Variants in BIRC6 observed in about 807,000 individuals in gnomAD.
BIRC6 encodes the protein dual E2 ubiquitin-conjugating enzyme/E3 ubiquitin-protein ligase BIRC6.
In BIRC6, 98 loss-of-function variants were observed where a neutral mutation model predicts 503.3. That is an observed-to-expected ratio of 0.19 (90% CI 0.17 to 0.23). The LOEUF is 0.23. Among genes scored for constraint, BIRC6 ranks in the 10% least tolerant of loss-of-function variants. BIRC6 has a pLI of 1.00. For missense variants in BIRC6, 5,360 were observed against 5,806.0 expected (o/e 0.92, Z 2.50); for synonymous variants, 2,240 against 2,078.7 (o/e 1.08, Z -2.11).
chr2:32,500,154 A>C lies in BIRC6; in HGVS notation c.9031+45A>C. The C allele has an allele frequency of 2.0e-6, 3 of 1,489,814 alleles. No individual in the cohort carries two copies. In the South Asian group the frequency reaches 3.9e-5, roughly 20 times the overall value. 92.3% of individuals were successfully genotyped at this position (1,489,814 alleles called of 1,614,324 possible). On this transcript the variant is annotated intron_variant, in intron 46 of 73. Coordinates refer to ENST00000421745, the MANE Select transcript of BIRC6 (RefSeq NM_016252.4). ...ATCTTACCATTGTCTCTGATACTAT[A>C]ACTGGTTTTTTTTTAAGCAATATAT...
chr2:32,457,938 T>C (rs2047424617), intron 23 of BIRC6, among the ~76,000 whole-genome samples: 1 of 152,150 alleles, frequency 6.6e-6, no homozygotes, highest in Non-Finnish European at 1.5e-5. Flanking sequence ...ATCTAATATC[T>C]GATAATTACC....
intron 10 of BIRC6, among the ~76,000 whole-genome samples, chr2:32,421,216 C>A (rs138685173): frequency 0.018 from 2,719 of 151,316 alleles, 89 homozygotes; most frequent in African/African-American, 0.063. Flanking sequence ...AAGTGATTCT[C>A]CTGCCTCAGC....
chr2:32,484,371 G>T (rs2050753011), intron 39 of BIRC6, among the ~76,000 whole-genome samples: 1 of 151,968 alleles, frequency 6.6e-6, no homozygotes, highest in Non-Finnish European at 1.5e-5. Flanking sequence ...GGCCAACATG[G>T]TGAAACCCCA....
At chr2:32,501,968 A>C (rs1343411188) in intron 47 of BIRC6, 80 bp downstream of exon 47, 8 of 1,302,052 alleles carry the variant, frequency 6.1e-6, no homozygotes, top group Non-Finnish European at 8.5e-6. Context: ...GACAAAGATA[A>C]ATAAGTATAT....
At chr2:32,424,848 C>T (rs1051601549) in intron 10 of BIRC6, among the ~76,000 whole-genome samples, 5 of 152,044 alleles carry the variant, frequency 3.3e-5, no homozygotes, top group Non-Finnish European at 5.9e-5. Context: ...AAGTTATTTT[C>T]CACAGAGTCT....
chr2:32,577,579 T>TTA (rs3835883), intron 66 of BIRC6, among the ~76,000 whole-genome samples: 65,866 of 151,812 alleles, frequency 0.43, 15,247 homozygotes, highest in Non-Finnish European at 0.51. Context: ...AAAAATGGAG[T>TTA]TATAGAGTAT....
At chr2:32,466,659 T>A (rs2048570845) in intron 26 of BIRC6, among the ~76,000 whole-genome samples, 1 of 152,206 alleles carries the variant, frequency 6.6e-6, no homozygotes, top group African/African-American at 2.4e-5. Flanking sequence ...GAAGAGCAGA[T>A]TGATCCTTTA....
chr2:32,447,580 A>C (rs2046183679), intron 21 of BIRC6, among the ~76,000 whole-genome samples: 1 of 106,970 alleles, frequency 9.3e-6, no homozygotes, highest in African/African-American at 4.0e-5. Context: ...CACCTCCCGG[A>C]CGGGGCGGCT....
intron 55 of BIRC6, among the ~76,000 whole-genome samples, chr2:32,516,102 T>A (rs535372396): frequency 6.6e-6 from 1 of 152,362 alleles, no homozygotes; most frequent in Admixed American, 6.5e-5. Flanking sequence ...GAGTACTGTA[T>A]GTGCCTTGAG....
At chr2:32,376,425 T>G (rs1189799596) in intron 1 of BIRC6, among the ~76,000 whole-genome samples, 1 of 152,192 alleles carries the variant, frequency 6.6e-6, no homozygotes, top group Non-Finnish European at 1.5e-5. Flanking sequence ...TTTGTTTACA[T>G]TTTTCTTGAC....
At chr2:32,444,039 T>TG (rs1435038738) in intron 20 of BIRC6, among the ~76,000 whole-genome samples, 3 of 151,972 alleles carry the variant, frequency 2.0e-5, no homozygotes, top group Non-Finnish European at 4.4e-5. Context: ...TGGTTTTTTT[T>TG]TTTTTTTTTT....
chr2:32,525,161 CTTTTTA>C (rs1427684136), intron 58 of BIRC6, 142 bp downstream of exon 58: 1 of 812,502 alleles, frequency 1.2e-6, no homozygotes, highest in Non-Finnish European at 1.8e-6. Flanking sequence ...AGATTTTTAT[CTTTTTA>C]TTTTTATTTT....
At chr2:32,365,420 A>T (rs2034757406) in intron 1 of BIRC6, among the ~76,000 whole-genome samples, 1 of 151,852 alleles carries the variant, frequency 6.6e-6, no homozygotes. Context: ...CTCAGGTTCA[A>T]GCGATTCTCC....
intron 59 of BIRC6, 56 bp downstream of exon 59, chr2:32,525,684 T>A: frequency 6.6e-7 from 1 of 1,524,574 alleles, no homozygotes; most frequent in Non-Finnish European, 8.9e-7. Flanking sequence ...TAAAACTATG[T>A]AAATCAGAGG....
At chr2:32,600,184 A>T (rs2061957565) in intron 70 of BIRC6, among the ~76,000 whole-genome samples, 1 of 152,262 alleles carries the variant, frequency 6.6e-6, no homozygotes, top group East Asian at 1.9e-4. Flanking sequence ...GGTGTACCTT[A>T]TATTCAAGTG....
At chr2:32,412,325 C>T (rs570382708) in intron 9 of BIRC6, among the ~76,000 whole-genome samples, 1 of 151,790 alleles carries the variant, frequency 6.6e-6, no homozygotes, top group East Asian at 2.0e-4. Flanking sequence ...GGTGAAAACC[C>T]ATCTCTACTA....
intron 10 of BIRC6, among the ~76,000 whole-genome samples, chr2:32,418,045 G>C (rs1404551733): frequency 6.6e-6 from 1 of 152,184 alleles, no homozygotes; most frequent in African/African-American, 2.4e-5. Flanking sequence ...CTCCCAAAGT[G>C]TTGGGATTAT....
chr2:32,360,990 G>T (rs899850001), intron 1 of BIRC6, among the ~76,000 whole-genome samples: 1 of 152,020 alleles, frequency 6.6e-6, no homozygotes, highest in Non-Finnish European at 1.5e-5. Context: ...ATGCGATCTC[G>T]GCTCACTGTA....
At position 32,469,497 on chromosome 2, in the gene BIRC6, A is replaced by G; in HGVS notation, c.6230A>G (p.His2077Arg). ...AGTGGAACCCCAAAGATACGGTTAC[A>G]TACTGGTCTTCTTCTTGTTCAACTG... ...CISGTPKIRL[H>R]TGLLLVQLCG... Residue 2077 changes from histidine to arginine, a missense_variant, in exon 30 of 74, where the codon CAT becomes CGT. Coordinates refer to ENST00000421745, the MANE Select transcript of BIRC6 (RefSeq NM_016252.4). 3.1e-6 allele frequency: 5 copies of G among 1,613,912 alleles called. No homozygotes were observed. The highest frequency in any genetic ancestry group is 4.2e-6 in the Non-Finnish European group (5 of 1,179,828).
Sources: allele counts gnomAD v4.1 joint callset (sites outside exome capture counted in the v4.1 genomes callset), GRCh38; gene constraint gnomAD v4.1.1; transcripts MANE v1.5; gene names NCBI Gene and HGNC (gene_info 2026-07-23, HGNC 2026-07-21).